USP24: variants seen among roughly 807,000 people sequenced by gnomAD.
The protein encoded by USP24 is ubiquitin specific peptidase 24.
In USP24, 97 loss-of-function variants were observed where a neutral mutation model predicts 361.6. That is an observed-to-expected ratio of 0.27 (90% confidence interval 0.23 to 0.32). The LOEUF is 0.32. Ranked by LOEUF, USP24 falls within the 10% of genes least tolerant of loss-of-function variation. The pLI, the probability that USP24 is intolerant of heterozygous loss-of-function variation, is 1.00. For missense variants in USP24, 2,353 were observed against 3,165.6 expected (o/e 0.74, Z 6.16); for synonymous variants, 1,098 against 1,124.6 (o/e 0.98, Z 0.47).
chr1:55,171,960 T>C (rs941521376), intron 4 of USP24, among the ~76,000 whole-genome samples: 1 of 152,120 alleles, frequency 6.6e-6, no homozygotes, highest in Non-Finnish European at 1.5e-5. Context: ...GTGCTAGGGC[T>C]ACCGGGGATG....
chr1:55,162,323 T>G (rs1306923271), intron 7 of USP24, 59 bp from the exon 8 acceptor site: 1 of 1,422,308 alleles, frequency 7.0e-7, no homozygotes, highest in East Asian at 2.7e-5. Flanking sequence ...CCTGTCAAAA[T>G]TAAACAAATC....
intron 10 of USP24, among the ~76,000 whole-genome samples, chr1:55,158,427 T>C (rs375509234): frequency 1.4e-4 from 22 of 152,244 alleles, no homozygotes; most frequent in East Asian, 5.8e-4. Flanking sequence ...CCAACTGTGC[T>C]GTTTCTGTGG....
At chr1:55,190,802 T>C (rs560749950) in intron 1 of USP24, among the ~76,000 whole-genome samples, 181 of 152,322 alleles carry the variant, frequency 1.2e-3, no homozygotes, top group Admixed American at 4.0e-3. Flanking sequence ...TCCAGGTATA[T>C]GTGCAGTGAG....
At chr1:55,177,094 C>CAAAAAAAAAAAAAAACA (rs61532738) in intron 2 of USP24, among the ~76,000 whole-genome samples, 1 of 131,628 alleles carries the variant, frequency 7.6e-6, no homozygotes. Flanking sequence ...AATCAAAAAC[C>CAAAAAAAAAAAAAAACA]AAAAAAAAAA....
intron 30 of USP24, among the ~76,000 whole-genome samples, chr1:55,133,738 G>C (rs984614936): frequency 2.0e-5 from 3 of 150,876 alleles, no homozygotes; most frequent in Admixed American, 6.6e-5. Context: ...TTGGGTTCAA[G>C]CTATCCTCCT....
intron 32 of USP24, among the ~76,000 whole-genome samples, chr1:55,128,808 G>A (rs1449177544): frequency 1.4e-5 from 2 of 148,108 alleles, no homozygotes; most frequent in Non-Finnish European, 1.5e-5. Context: ...TCCACCTCCC[G>A]GGCTCAAGTG....
In USP24 at chr1:55,083,853, A is replaced by T. The variant is rs1312882312; in HGVS notation, c.6801T>A (p.Leu2267=). The T allele has an allele frequency of 6.2e-7, 1 of 1,604,036 alleles. No individual in the cohort carries two copies. ...CTGGGACGTCTTTGTCCAACAGAGC[A>T]AGTAGTACCTCCAGTAACTGATGAA... ...KSLHQLLEVL[L]ALLDKDVPEN... Residue 2267 remains leucine, a synonymous_variant, in exon 57 of 68, where the codon CTT becomes CTA. Transcript: ENST00000294383.
chr1:55,177,045 T>C (rs1447427569), intron 2 of USP24, among the ~76,000 whole-genome samples: 1 of 149,546 alleles, frequency 6.7e-6, no homozygotes, highest in Non-Finnish European at 1.5e-5. Flanking sequence ...GAGACATGAC[T>C]ACGCCATTGC....
intron 34 of USP24, 68 bp downstream of exon 34, chr1:55,125,252 C>T (rs1212109950): frequency 3.4e-6 from 5 of 1,458,198 alleles, no homozygotes; most frequent in Non-Finnish European, 4.8e-6. Flanking sequence ...ATCCCCATAG[C>T]ACCTCTTCCT....
At chr1:55,143,230 T>C (rs1033563176) in intron 21 of USP24, 111 bp from the exon 22 acceptor site, 3 of 773,606 alleles carry the variant, frequency 3.9e-6, no homozygotes, top group African/African-American at 3.7e-5. Context: ...CAGTTCAATA[T>C]GAATTAAGGC....
chr1:55,135,955 T>G (rs1404575740), intron 28 of USP24, among the ~76,000 whole-genome samples: 1 of 152,216 alleles, frequency 6.6e-6, no homozygotes, highest in Non-Finnish European at 1.5e-5. Flanking sequence ...GTACCTATCA[T>G]GTTCTAGGCA....
intron 22 of USP24, 61 bp downstream of exon 22, chr1:55,142,918 A>C (rs979359651): frequency 1.4e-6 from 2 of 1,437,982 alleles, no homozygotes; most frequent in Middle Eastern, 1.8e-4. Flanking sequence ...CTTATCACTA[A>C]AATATACATA....
intron 1 of USP24, among the ~76,000 whole-genome samples, chr1:55,188,366 A>G (rs1644189750): frequency 6.6e-6 from 1 of 152,136 alleles, no homozygotes; most frequent in African/African-American, 2.4e-5. Flanking sequence ...TCAAAAATAA[A>G]AATTTTTGTG....
chr1:55,169,090 A>G (rs1410039867), intron 5 of USP24, among the ~76,000 whole-genome samples: 1 of 152,184 alleles, frequency 6.6e-6, no homozygotes, highest in African/African-American at 2.4e-5. Flanking sequence ...GGGCTTGAAA[A>G]TATGAGTTAA....
intron 1 of USP24, among the ~76,000 whole-genome samples, chr1:55,207,064 G>A (rs1416301156): frequency 6.6e-6 from 1 of 152,052 alleles, no homozygotes; most frequent in African/African-American, 2.4e-5. Flanking sequence ...GGCTGCGGTG[G>A]GGAGAATCAC....
chr1:55,085,917 A>G (rs1279271795), intron 56 of USP24, 25 bp downstream of exon 56: 4 of 1,600,818 alleles, frequency 2.5e-6, no homozygotes, highest in Non-Finnish European at 1.7e-6. Flanking sequence ...CAGTGTATAA[A>G]TAACGTTTTA....
At chr1:55,193,103 AC>A (rs1330922388) in intron 1 of USP24, among the ~76,000 whole-genome samples, 1 of 152,230 alleles carries the variant, frequency 6.6e-6, no homozygotes, top group East Asian at 1.9e-4. Flanking sequence ...CAATGTATTT[AC>A]ATTTTGTAAT....
chr1:55,079,460 C>G (rs918575017), intron 60 of USP24, 78 bp downstream of exon 60: 1 of 1,517,626 alleles, frequency 6.6e-7, no homozygotes, highest in Admixed American at 2.5e-5. Flanking sequence ...ACTCTTCATG[C>G]CAAACATAAC....
chr1:55,199,588 AGTGTGTGTGT>A (rs55710750), intron 1 of USP24, among the ~76,000 whole-genome samples: 45 of 146,482 alleles, frequency 3.1e-4, no homozygotes, highest in South Asian at 4.4e-4. Context: ...GTTCAGAAAA[AGTGTGTGTGT>A]GTGTGTGTGT....
Sources: allele counts gnomAD v4.1 joint callset (sites outside exome capture counted in the v4.1 genomes callset), GRCh38; gene constraint gnomAD v4.1.1; transcripts MANE v1.5; gene names NCBI Gene and HGNC (gene_info 2026-07-23, HGNC 2026-07-21).